ZNF462: variants seen among roughly 807,000 people sequenced by gnomAD.
ZNF462 encodes the protein zinc finger protein 462, also known as zinc finger PBX1-interacting protein.
ZNF462 carries 10 observed loss-of-function variants against 201.9 expected under a neutral mutation model. The observed-to-expected ratio is 0.05, with a 90% CI of 0.03 to 0.08. The LOEUF is 0.08. Ranked by LOEUF, ZNF462 falls within the 10% of genes least tolerant of loss-of-function variation. The pLI, the probability that ZNF462 is intolerant of heterozygous loss-of-function variation, is 1.00. For synonymous variants in ZNF462, 1,227 were observed against 1,193.3 expected, an observed-to-expected ratio of 1.03 and a Z score of -0.58; for missense variants, 2,523 against 3,168.3, an observed-to-expected ratio of 0.80 and a Z score of 4.89.
rs1467428304 is a variant in ZNF462 at position 106,872,717 on chromosome 9, C to T, written c.-31+9362C>T. On this transcript the variant is annotated intron_variant, in intron 1 of 12. Transcript: ENST00000277225. The surrounding 1 kb of genome is among the most constrained non-coding windows in gnomAD (Gnocchi z 4.5). ...GGAGTTCAGTTGCAAGAACTTCCCC[C>T]CTTTCTGCTGTCAATTGAATATTGT... 1.3e-5 allele frequency among the ~76,000 whole-genome samples: 2 copies of T among 152,080 alleles called. No homozygotes were observed. The highest frequency in any genetic ancestry group is 4.8e-5 in the African/African-American group (2 of 41,412).
chr9:106,896,607 G>A (rs1828823801), intron 1 of ZNF462, among the ~76,000 whole-genome samples: 1 of 152,180 alleles, frequency 6.6e-6, no homozygotes, highest in Non-Finnish European at 1.5e-5. Context: ...GGGATAGAAG[G>A]TAAAGTATAT....
rs191476688 is a variant in ZNF462, at chr9:106,961,174, G to A, written c.6428-10831G>A. On this transcript the variant is annotated intron_variant, in intron 7 of 12. Transcript: ENST00000277225. Reference sequence around the variant, plus strand: ...TCACAAACATCGATGCCTACTGATGGGTGAAAAAAATGAGGGATAGAGAGC... The same window carrying A: ...TCACAAACATCGATGCCTACTGATGAGTGAAAAAAATGAGGGATAGAGAGC... Among the ~76,000 whole-genome samples, 178 of 152,050 alleles carry A rather than the reference G, an allele frequency of 1.2e-3. 2 individuals carry two copies. The highest frequency in any genetic ancestry group is 1.9e-3 in the South Asian group (9 of 4,824).
intron 1 of ZNF462, among the ~76,000 whole-genome samples, chr9:106,873,324 G>A (rs752963947): frequency 1.3e-4 from 20 of 152,162 alleles, no homozygotes; most frequent in Non-Finnish European, 2.4e-4. Flanking sequence ...CACCATGTAG[G>A]GGACACTTTA....
chr9:106,860,163 C>T (rs371439189), upstream of ZNF462, among the ~76,000 whole-genome samples: 1 of 152,154 alleles, frequency 6.6e-6, no homozygotes. This position sits in a 1 kb window ranked among gnomAD's most constrained non-coding sequence, Gnocchi z 7.1. Context: ...AGGGTGGAGC[C>T]AAGTCCCCCC....
Position 106,919,694 on chromosome 9 carries a change from A to T in ZNF462, c.-30-3660A>T, listed in dbSNP as rs1564097996. On this transcript the variant is annotated intron_variant, in intron 1 of 12. Coordinates refer to ENST00000277225, the MANE Select transcript of ZNF462 (RefSeq NM_021224.6). This position sits in a 1 kb window ranked among gnomAD's most constrained non-coding sequence, Gnocchi z 4.5. Reference sequence around the variant, plus strand: ...GTACTAAAGGCAGTGACTAATTAGGATGGTTTAGGGGTTTCATGTTAGGAG... The same window carrying T: ...GTACTAAAGGCAGTGACTAATTAGGTTGGTTTAGGGGTTTCATGTTAGGAG... 6.6e-6 allele frequency among the ~76,000 whole-genome samples: 1 copy of T among 152,168 alleles called. No homozygotes were observed. The highest frequency in any genetic ancestry group is 1.5e-5 in the Non-Finnish European group (1 of 68,024).
chr9:106,924,579 G>A lies in ZNF462; in HGVS notation c.667G>A (p.Val223Ile). The change falls in exon 3 of 13, where the codon GTT becomes ATT. Residue 223 changes from valine (V) to isoleucine (I), a missense_variant. By Grantham distance (29) the Val-to-Ile change is conservative. This residue lies in a region of ZNF462 where 480 missense variants were observed against 544.4 expected (regional missense o/e 0.88). Transcript: ENST00000277225. This position sits in a 1 kb window ranked among gnomAD's most constrained non-coding sequence, Gnocchi z 6.2. Reference sequence around the variant, plus strand: ...CCCCTGCAAGGAACTGCCAGCAGAGGTTGTGGAGCGCAGCATCTTAGAGTC... The same window carrying A: ...CCCCTGCAAGGAACTGCCAGCAGAGATTGTGGAGCGCAGCATCTTAGAGTC... ...QDPCKELPAEVVERSILESMV... is the reference protein window; with the variant it reads ...QDPCKELPAEIVERSILESMV... 6.2e-7 allele frequency: 1 copy of A among 1,614,166 alleles called. No individual in the cohort carries two copies. Among genetic ancestry groups the A allele is most frequent in the Non-Finnish European group, 8.5e-7 (1 of 1,180,038 alleles).
chr9:106,978,926 CT>C lies in ZNF462; in HGVS notation c.6832+4655del. On this transcript the variant is annotated intron_variant, in intron 9 of 12. Transcript: ENST00000277225. This position sits in a 1 kb window ranked among gnomAD's most constrained non-coding sequence, Gnocchi z 4.1. ...AATTGGTCCTGATGGCTTCTACCAG[CT>C]TAGCCAAAGCGCCTTTGTCTTCCAA... is the stretch of plus-strand genomic sequence containing the variant. 3.1e-6 allele frequency: 1 copy of C among 320,966 alleles called. No homozygotes were observed. Among genetic ancestry groups the C allele is most frequent in the South Asian group, 3.0e-5 (1 of 33,746 alleles). 19.9% of individuals were successfully genotyped at this position (320,966 alleles called of 1,614,324 possible).
chr9:106,957,236 T>C (rs967536836), intron 7 of ZNF462, among the ~76,000 whole-genome samples: 1 of 152,038 alleles, frequency 6.6e-6, no homozygotes, highest in African/African-American at 2.4e-5. Context: ...AATTTCAATA[T>C]TGTCGTGGCT....
chr9:106,939,600 C>T (rs947336824), intron 7 of ZNF462, among the ~76,000 whole-genome samples: 1 of 152,030 alleles, frequency 6.6e-6, no homozygotes, highest in African/African-American at 2.4e-5. Flanking sequence ...TTAGGGGTGA[C>T]ATAGGGATTT....
intron 1 of ZNF462, among the ~76,000 whole-genome samples, chr9:106,910,900 T>G (rs1829522632): frequency 6.6e-6 from 1 of 152,204 alleles, no homozygotes; most frequent in African/African-American, 2.4e-5. Flanking sequence ...AGGGCAACAA[T>G]CAAATGACCA....
At chr9:106,961,630 A>G (rs1659030333) in intron 7 of ZNF462, among the ~76,000 whole-genome samples, 1 of 151,920 alleles carries the variant, frequency 6.6e-6, no homozygotes, top group South Asian at 2.1e-4. Context: ...TAAAACAATT[A>G]TAGATAGATG....
At chr9:106,931,367 A>G (rs1830417229) in intron 4 of ZNF462, among the ~76,000 whole-genome samples, 1 of 152,136 alleles carries the variant, frequency 6.6e-6, no homozygotes, top group Admixed American at 6.5e-5. Flanking sequence ...GTCTTCCAGG[A>G]TATTGCTAAG....
At chr9:106,982,012 G>T (rs1195207697) in intron 9 of ZNF462, among the ~76,000 whole-genome samples, 2 of 152,212 alleles carry the variant, frequency 1.3e-5, no homozygotes, top group African/African-American at 4.8e-5. Flanking sequence ...TCCCAAGGAA[G>T]ATGCCAGTAA....
At chr9:106,956,085 G>A (rs925012371) in intron 7 of ZNF462, among the ~76,000 whole-genome samples, 3 of 152,058 alleles carry the variant, frequency 2.0e-5, no homozygotes, top group Middle Eastern at 3.2e-3. Context: ...GATTCCTTTC[G>A]AAAAGTGTTT....
At position 107,003,196 on chromosome 9, in the gene ZNF462, C is replaced by G. The variant is rs1564167072; in HGVS notation, c.7057-98C>G. On this transcript the variant is annotated intron_variant, in intron 10 of 12. Coordinates refer to ENST00000277225, the MANE Select transcript of ZNF462 (RefSeq NM_021224.6). This position sits in a 1 kb window ranked among gnomAD's most constrained non-coding sequence, Gnocchi z 4.4. The stretch of plus-strand genomic sequence containing the variant: ...TTGTTTGGTCCTGGTTGCAAAACCA[C>G]AGTCACAGGAAAATGATGTTAGAAA... The G allele has an allele frequency of 3.3e-6, 5 of 1,519,378 alleles. No homozygotes were observed. In the East Asian group the frequency reaches 1.2e-4, roughly 35 times the overall value. 94.1% of individuals were successfully genotyped at this position (1,519,378 alleles called of 1,614,324 possible). A position where few individuals can be genotyped will look rare whatever the true frequency, so the allele number is the denominator to read the frequency against.
rs1161902022 is a variant in ZNF462 at position 107,011,515 on chromosome 9, A to C, written c.*485A>C. The C allele has an allele frequency of 8.0e-6, 1 of 125,580 alleles. No individual in the cohort carries two copies. Among genetic ancestry groups the C allele is most frequent in the Non-Finnish European group, 1.5e-5 (1 of 66,036 alleles). 7.8% of individuals were successfully genotyped at this position (125,580 alleles called of 1,614,324 possible). Reference sequence around the variant, plus strand: ...AACAAAAAACAAAAAACAGAAAACAAAAAAAAAAAAACTGCTTTGCATAAA... The same window carrying C: ...AACAAAAAACAAAAAACAGAAAACACAAAAAAAAAAACTGCTTTGCATAAA... On this transcript the variant is annotated 3_prime_UTR_variant, in exon 13 of 13. Transcript: ENST00000277225. This position sits in a 1 kb window ranked among gnomAD's most constrained non-coding sequence, Gnocchi z 5.6.
chr9:106,940,152 C>A (rs1185041929), intron 7 of ZNF462, among the ~76,000 whole-genome samples: 2 of 152,104 alleles, frequency 1.3e-5, no homozygotes, highest in Non-Finnish European at 2.9e-5. Context: ...CTTCTTGTAG[C>A]CGTATGTAAA....
intron 1 of ZNF462, among the ~76,000 whole-genome samples, chr9:106,897,617 A>G (rs530295241): frequency 6.6e-6 from 1 of 152,286 alleles, no homozygotes; most frequent in African/African-American, 2.4e-5. Flanking sequence ...TATGTTTTGT[A>G]AGGGCACTCC....
At position 106,938,522 on chromosome 9, in the gene ZNF462, A is replaced by G. The variant is rs535651313; in HGVS notation, c.6236-394A>G. Among the ~76,000 whole-genome samples, 86 of 152,216 alleles carry G rather than the reference A, an allele frequency of 5.6e-4. No individual in the cohort carries two copies. The highest frequency in any genetic ancestry group is 2.0e-3 in the Admixed American group (30 of 15,278). On this transcript the variant is annotated intron_variant, in intron 6 of 12. Transcript: ENST00000277225. The surrounding 1 kb of genome is among the most constrained non-coding windows in gnomAD (Gnocchi z 4.4). ...ATAATTAAGCATGTTATTTTCTGGG[A>G]CTGACAAAAAGGCCACCTTGAATGA...
Sources: allele counts gnomAD v4.1 joint callset (sites outside exome capture counted in the v4.1 genomes callset), GRCh38; gene constraint gnomAD v4.1.1; regional missense constraint gnomAD v4.1.1; non-coding constraint Gnocchi (gnomAD v3.1); transcripts MANE v1.5; gene names NCBI Gene and HGNC (gene_info 2026-07-23, HGNC 2026-07-21).